Variants in INSC observed in about 807,000 individuals in gnomAD.
The protein encoded by INSC is protein inscuteable homolog.
Under a neutral mutation model 58.6 loss-of-function variants are expected in INSC, and 67 were observed. The ratio of observed to expected loss-of-function variants is 1.14; its 90% CI spans 0.94 to 1.40. The LOEUF (loss-of-function observed/expected upper bound fraction) is 1.40. Ranked by LOEUF, INSC falls within the 40% of genes most tolerant of loss-of-function variation. INSC has a pLI of 0.00. For synonymous variants in INSC, 262 were observed against 276.1 expected, an observed-to-expected ratio of 0.95 and a Z score of 0.51; for missense variants, 714 against 692.0, an observed-to-expected ratio of 1.03 and a Z score of -0.36.
At chr11:15,209,892 T>TG (rs956685149) in intron 7 of INSC, among the ~76,000 whole-genome samples, 19 of 152,038 alleles carry the variant, frequency 1.2e-4, no homozygotes, top group African/African-American at 4.6e-4. Context: ...GGGTGGGAGT[T>TG]GGGGGAGTAT....
the INSC span, among the ~76,000 whole-genome samples, chr11:15,257,346 T>C: frequency 2.0e-5 from 3 of 152,190 alleles, no homozygotes; most frequent in Non-Finnish European, 2.9e-5. Flanking sequence ...AAGTTTGTCA[T>C]CTAAGTATAT....
At chr11:15,138,743 T>C (rs1445633927) in intron 1 of INSC, among the ~76,000 whole-genome samples, 1 of 152,186 alleles carries the variant, frequency 6.6e-6, no homozygotes, top group Non-Finnish European at 1.5e-5. Context: ...TATTTCACTT[T>C]CTCTGAAATA....
At chr11:15,247,823 T>C (rs143168936), downstream of INSC, among the ~76,000 whole-genome samples, 141 of 150,372 alleles carry the variant, frequency 9.4e-4, 1 homozygote, top group East Asian at 0.023. Context: ...CAGACAACTT[T>C]TGTTAATATC....
At chr11:15,191,244 G>T (rs1366343608) in intron 6 of INSC, among the ~76,000 whole-genome samples, 2 of 152,194 alleles carry the variant, frequency 1.3e-5, no homozygotes, top group Non-Finnish European at 2.9e-5. Flanking sequence ...CTCCCAAAGT[G>T]CTGGGATTAC....
intron 2 of INSC, among the ~76,000 whole-genome samples, chr11:15,154,826 C>A (rs560142200): frequency 2.0e-5 from 3 of 152,042 alleles, no homozygotes. Flanking sequence ...CAAAAATAAC[C>A]CATGTTAGTG....
intron 2 of INSC, among the ~76,000 whole-genome samples, chr11:15,153,698 A>G (rs977871281): frequency 6.6e-6 from 1 of 152,176 alleles, no homozygotes; most frequent in Admixed American, 6.5e-5. Context: ...TTAAGAAGAG[A>G]GGCTGGATTT....
intron 12 of INSC, chr11:15,241,457 C>T (rs553270723): frequency 1.6e-6 from 1 of 631,064 alleles, no homozygotes; most frequent in Non-Finnish European, 2.9e-6. Context: ...TCAGACCTGT[C>T]TTGGTTGTAC....
At chr11:15,172,401 C>G (rs117641978) in intron 2 of INSC, among the ~76,000 whole-genome samples, 1 of 152,288 alleles carries the variant, frequency 6.6e-6, no homozygotes, top group East Asian at 1.9e-4. Context: ...CACTTGGCCA[C>G]TCAACAATGG....
upstream of INSC, among the ~76,000 whole-genome samples, chr11:15,113,414 C>T (rs975487325): frequency 2.6e-5 from 4 of 152,248 alleles, no homozygotes; most frequent in East Asian, 7.7e-4. Flanking sequence ...CCACCTTGGC[C>T]TCCCAAAGAG....
At chr11:15,237,488 G>A (rs1253100369) in intron 10 of INSC, among the ~76,000 whole-genome samples, 1 of 152,204 alleles carries the variant, frequency 6.6e-6, no homozygotes, top group Non-Finnish European at 1.5e-5. Context: ...AAGCCCCCCT[G>A]CTCTTTCAGG....
At chr11:15,114,085 C>A (rs938278700), upstream of INSC, among the ~76,000 whole-genome samples, 2 of 151,518 alleles carry the variant, frequency 1.3e-5, no homozygotes, top group African/African-American at 2.4e-5. Flanking sequence ...GGTCAAGATT[C>A]TCTGGGCTCT....
intron 8 of INSC, among the ~76,000 whole-genome samples, chr11:15,224,836 G>A (rs73426570): frequency 0.1 from 15,424 of 152,124 alleles, 1,557 homozygotes; most frequent in African/African-American, 0.26. Flanking sequence ...ATTTGGTTAG[G>A]GCTAAGCTAG....
chr11:15,203,162 C>T (rs1850661725), intron 7 of INSC, among the ~76,000 whole-genome samples: 1 of 152,182 alleles, frequency 6.6e-6, no homozygotes, highest in Non-Finnish European at 1.5e-5. Flanking sequence ...AGAATTTGGA[C>T]CCACATCTGC....
At chr11:15,143,879 G>GA (rs962351686) in intron 1 of INSC, among the ~76,000 whole-genome samples, 2 of 152,004 alleles carry the variant, frequency 1.3e-5, no homozygotes, top group South Asian at 4.2e-4. Flanking sequence ...AAGTCAAATT[G>GA]AAAAAAAGCC....
downstream of INSC, among the ~76,000 whole-genome samples, chr11:15,249,549 C>T (rs893382312): frequency 6.6e-6 from 1 of 152,126 alleles, no homozygotes; most frequent in African/African-American, 2.4e-5. Flanking sequence ...CTACCTGTCC[C>T]AGGCCTTAGA....
chr11:15,145,007 C>T (rs996401254), intron 1 of INSC, among the ~76,000 whole-genome samples: 1 of 152,156 alleles, frequency 6.6e-6, no homozygotes, highest in Non-Finnish European at 1.5e-5. Context: ...TTAGGAAAGG[C>T]CCTGGGATAG....
chr11:15,231,415 C>CA (rs1016630050), intron 9 of INSC, among the ~76,000 whole-genome samples: 4 of 152,130 alleles, frequency 2.6e-5, no homozygotes, highest in African/African-American at 4.8e-5. Context: ...AAATCACGCA[C>CA]AAAAAAATCT....
At chr11:15,153,426 A>G (rs1257089733) in intron 2 of INSC, among the ~76,000 whole-genome samples, 4 of 152,222 alleles carry the variant, frequency 2.6e-5, no homozygotes, top group Non-Finnish European at 5.9e-5. Flanking sequence ...GCTTGTCTCC[A>G]TGTAGATAAT....
chr11:15,216,442 G>A (rs140426697), intron 7 of INSC, among the ~76,000 whole-genome samples: 15 of 152,186 alleles, frequency 9.9e-5, no homozygotes, highest in African/African-American at 3.1e-4. Flanking sequence ...GTTGCTGTGC[G>A]TCTTTGTGTC....
Sources: gnomAD v4.1 joint callset for allele counts (sites outside exome capture counted in the v4.1 genomes callset) on GRCh38, gnomAD v4.1.1 for gene constraint, MANE v1.5 for transcripts, NCBI Gene and HGNC (gene_info 2026-07-23, HGNC 2026-07-21) for gene names.